The following SLC13A2 variants were observed in gnomAD, a reference collection of about 807,000 sequenced individuals.
SLC13A2 encodes Na(+)-coupled citrate transporter.
Under a neutral mutation model 58.5 loss-of-function variants are expected in SLC13A2, and 40 were observed. That is an observed-to-expected ratio of 0.68 (90% CI 0.53 to 0.89). SLC13A2 has a LOEUF of 0.89. SLC13A2 is among the 40% of genes least tolerant of loss of function. The probability of loss-of-function intolerance (pLI) is 0.00; values close to 1 mark genes in which losing one functional copy is unlikely to be tolerated. For synonymous variants in SLC13A2, 341 were observed against 331.6 expected (o/e 1.03, Z -0.31); for missense variants, 694 against 772.6 (o/e 0.90, Z 1.21).
At chr17:28,485,394 G>A (rs1361376477) in intron 1 of SLC13A2, among the ~76,000 whole-genome samples, 1 of 152,220 alleles carries the variant, frequency 6.6e-6, no homozygotes, top group African/African-American at 2.4e-5. Context: ...AGGTTCCATA[G>A]AGCTGGGTTG....
chr17:28,476,570 T>G (rs781822749), intron 1 of SLC13A2, among the ~76,000 whole-genome samples: 1 of 152,020 alleles, frequency 6.6e-6, no homozygotes, highest in Non-Finnish European at 1.5e-5. Context: ...TCACCAGCTT[T>G]CTTTCTGCTC....
intron 4 of SLC13A2, 48 bp from the exon 5 acceptor site, chr17:28,491,389 A>T: frequency 1.9e-6 from 3 of 1,601,188 alleles, no homozygotes; most frequent in Non-Finnish European, 2.6e-6. Flanking sequence ...CCCGTTCCCC[A>T]GAGCTGGCCC....
At chr17:28,491,339 T>C in intron 4 of SLC13A2, 98 bp from the exon 5 acceptor site, 7 of 1,366,088 alleles carry the variant, frequency 5.1e-6, no homozygotes, top group Non-Finnish European at 7.1e-6. Flanking sequence ...GTCTGGGCTG[T>C]TCACAGACAA....
Position 28,490,474 on chromosome 17 carries a change from G to T in SLC13A2, c.252G>T (p.Lys84Asn), listed in dbSNP as rs765785965. ...GCCAGGTTGCCGTCGAGTATCTTAA[G>T]GACTCCAACCTCCTGTTCTTCGGGG... is the stretch of plus-strand genomic sequence containing the variant. ...DASEVAVEYL[K>N]DSNLLFFGGL... The change falls in exon 3 of 12, where the codon AAG becomes AAT. Residue 84 changes from lysine to asparagine, a missense_variant. Lys to Asn is a moderately conservative substitution (Grantham distance 94). Coordinates refer to ENST00000314669, the MANE Select transcript of SLC13A2 (RefSeq NM_003984.4). 1 of 1,613,946 alleles carries T rather than the reference G, an allele frequency of 6.2e-7. No individual in the cohort carries two copies. The highest frequency in any genetic ancestry group is 8.5e-7 in the Non-Finnish European group (1 of 1,180,026).
chr17:28,474,948 G>A (rs563986247), intron 1 of SLC13A2, among the ~76,000 whole-genome samples: 1 of 152,340 alleles, frequency 6.6e-6, no homozygotes, highest in African/African-American at 2.4e-5. Context: ...AAAGGGGTGA[G>A]AGACTGGGGG....
intron 4 of SLC13A2, among the ~76,000 whole-genome samples, chr17:28,491,116 G>A (rs1223350181): frequency 6.6e-6 from 1 of 152,202 alleles, no homozygotes; most frequent in Non-Finnish European, 1.5e-5. Context: ...AAACCAAGAT[G>A]CTTGGTCACC....
Position 28,495,693 on chromosome 17 carries a change from C to A in SLC13A2, c.1347C>A (p.Thr449=). Residue 449 remains threonine, a synonymous_variant, in exon 10 of 12, where the codon ACC becomes ACA. Coordinates refer to ENST00000314669, the MANE Select transcript of SLC13A2 (RefSeq NM_003984.4). ...CAGAGTGGCTGGGAAACAAGCTGAC[C>A]CCACTGCAGAGTGTGCCAGCTCCAG... ...GLSEWLGNKL[T]PLQSVPAPAI... 1.9e-6 allele frequency: 3 copies of A among 1,612,010 alleles called. No individual in the cohort carries two copies. The highest frequency in any genetic ancestry group is 1.3e-5 in the African/African-American group (1 of 75,038).
rs537273443 is a variant in SLC13A2, at chr17:28,496,796, G to A, written c.1608+209G>A. 6.6e-6 allele frequency among the ~76,000 whole-genome samples: 1 copy of A among 152,318 alleles called. No homozygotes were observed. The highest frequency in any genetic ancestry group is 2.1e-4 in the South Asian group (1 of 4,824). ...CCAGCCCCAGGCTATGTGAGAGGGAGGGAAGTGGGTGGGGAACATGGGGAA... is the reference window on the plus strand; with the variant it reads ...CCAGCCCCAGGCTATGTGAGAGGGAAGGAAGTGGGTGGGGAACATGGGGAA... On this transcript the variant is annotated intron_variant, in intron 11 of 11. Transcript: ENST00000314669. This position sits in a 1 kb window ranked among gnomAD's most constrained non-coding sequence, Gnocchi z 4.2.
chr17:28,474,482 C>A (rs1012196052), intron 1 of SLC13A2, among the ~76,000 whole-genome samples: 1 of 152,066 alleles, frequency 6.6e-6, no homozygotes, highest in African/African-American at 2.4e-5. Context: ...ATCAAGCCGC[C>A]AATGCCTGCC....
At chr17:28,475,159 C>A (rs1471883477) in intron 1 of SLC13A2, among the ~76,000 whole-genome samples, 2 of 152,192 alleles carry the variant, frequency 1.3e-5, no homozygotes, top group African/African-American at 4.8e-5. Flanking sequence ...TTCCCAATTC[C>A]CCTCGACCTG....
rs192440446 is a variant in SLC13A2 at position 28,490,289 on chromosome 17, A to T, written c.232-165A>T. ...ACCCTGTCTCCAAAAAGTTAAATTT[A>T]TTTTTTTTAAATGGCAGATCATTCA... On this transcript the variant is annotated intron_variant, in intron 2 of 11. Transcript: ENST00000314669. The T allele has an allele frequency of 3.8e-6, 6 of 1,575,370 alleles. No individual in the cohort carries two copies. The East Asian group carries it at 1.4e-4, about 36-fold the overall frequency.
At chr17:28,489,388 C>A in intron 2 of SLC13A2, 46 bp downstream of exon 2, 2 of 1,568,090 alleles carry the variant, frequency 1.3e-6, no homozygotes, top group Non-Finnish European at 1.7e-6. Context: ...GTGCGGGAGG[C>A]CAGGGGGTGG....
At chr17:28,495,919 T>C in intron 10 of SLC13A2, 103 bp downstream of exon 10, 3 of 1,368,662 alleles carry the variant, frequency 2.2e-6, no homozygotes, top group Non-Finnish European at 3.0e-6. Flanking sequence ...ACCTCCTCTT[T>C]TCCTTTTCCT....
At chr17:28,491,890 GC>G in intron 6 of SLC13A2, 38 bp downstream of exon 6, 1 of 1,601,074 alleles carries the variant, frequency 6.2e-7, no homozygotes, top group Non-Finnish European at 8.5e-7. Context: ...CCAGGTCCCT[GC>G]CCTTAGCCCT....
rs782442828 is a variant in SLC13A2 at position 28,494,428 on chromosome 17, CGACTGGAA to C, written c.1228_1235del (p.Trp410GlyfsTer24). The C allele has an allele frequency of 3.3e-5, 54 of 1,614,054 alleles. No homozygotes were observed. Among genetic ancestry groups the C allele is most frequent in the Non-Finnish European group, 4.2e-5 (50 of 1,180,046 alleles). ...AGCTGAAGGCCCCTCTTGGCCTCCTCGACTGGAAGACGGTGAACCAGAAGATGCCGTGG... is the reference window on the plus strand; with the variant it reads ...AGCTGAAGGCCCCTCTTGGCCTCCTCGACGGTGAACCAGAAGATGCCGTGG... On this transcript the variant is annotated frameshift_variant, in exon 9 of 12. Coordinates refer to ENST00000314669, the MANE Select transcript of SLC13A2 (RefSeq NM_003984.4). LOFTEE classifies it high-confidence loss of function. The surrounding 1 kb of genome is among the most constrained non-coding windows in gnomAD (Gnocchi z 4.0).
chr17:28,493,847 A>C (rs781805655), intron 7 of SLC13A2, 58 bp downstream of exon 7: 1 of 1,588,942 alleles, frequency 6.3e-7, no homozygotes, highest in African/African-American at 1.3e-5. Context: ...CTCGGGAAGG[A>C]GGGAAGGGTA....
intron 1 of SLC13A2, among the ~76,000 whole-genome samples, chr17:28,481,660 G>A (rs921002530): frequency 6.6e-6 from 1 of 152,212 alleles, no homozygotes; most frequent in East Asian, 1.9e-4. Flanking sequence ...GCTTACTGCT[G>A]TAGAGGTTGT....
intron 2 of SLC13A2, 34 bp from the exon 3 acceptor site, chr17:28,490,420 C>A (rs1555602982): frequency 8.1e-6 from 13 of 1,613,960 alleles, no homozygotes; most frequent in Non-Finnish European, 1.1e-5. Context: ...ACTCCAGGGT[C>A]TTCCCGCCGC....
Position 28,477,446 on chromosome 17 carries a change from G to A in SLC13A2, c.102+3632G>A, listed in dbSNP as rs1055675977. On this transcript the variant is annotated intron_variant, in intron 1 of 11. Transcript: ENST00000314669. ...CCTGACCTCGTGATCCGCCCGCCTT[G>A]GCCTCCCAAAGTGCTGGGATTACAG... 7.1e-4 allele frequency among the ~76,000 whole-genome samples: 107 copies of A among 151,756 alleles called. 1 individual carries two copies. Among genetic ancestry groups the A allele is most frequent in the Middle Eastern group, 3.4e-3 (1 of 292 alleles).
Sources: allele counts gnomAD v4.1 joint callset (sites outside exome capture counted in the v4.1 genomes callset), GRCh38; gene constraint gnomAD v4.1.1; non-coding constraint Gnocchi (gnomAD v3.1); transcripts MANE v1.5; gene names NCBI Gene and HGNC (gene_info 2026-07-23, HGNC 2026-07-21).